GTF2I: variants seen among roughly 807,000 people sequenced by gnomAD.
GTF2I encodes general transcription factor IIi.
In GTF2I, 12 loss-of-function variants were observed where a neutral mutation model predicts 67.6. The observed-to-expected ratio is 0.18, with a 90% CI of 0.11 to 0.29. GTF2I has a LOEUF of 0.29. Among genes scored for constraint, GTF2I ranks in the 10% least tolerant of loss-of-function variants. The probability of loss-of-function intolerance (pLI) is 1.00; values close to 1 mark genes in which losing one functional copy is unlikely to be tolerated. For synonymous variants in GTF2I, 149 were observed against 197.0 expected, an observed-to-expected ratio of 0.76 and a Z score of 2.04; for missense variants, 271 against 580.1, an observed-to-expected ratio of 0.47 and a Z score of 5.47.
chr7:74,701,059 T>G (rs146191420), intron 6 of GTF2I, among the ~76,000 whole-genome samples: 1 of 152,348 alleles, frequency 6.6e-6, no homozygotes, highest in Non-Finnish European at 1.5e-5. Flanking sequence ...ATTGCATCCC[T>G]ACGGCAAGAA....
intron 1 of GTF2I, among the ~76,000 whole-genome samples, chr7:74,673,277 A>T (rs897676757): frequency 1.3e-5 from 2 of 152,210 alleles, no homozygotes; most frequent in Non-Finnish European, 2.9e-5. Flanking sequence ...GAGGTTAACT[A>T]ATCTGAAAAA....
chr7:74,674,663 C>T (rs148368788), intron 1 of GTF2I, among the ~76,000 whole-genome samples: 28 of 151,974 alleles, frequency 1.8e-4, no homozygotes, highest in African/African-American at 6.0e-4. Context: ...CTCAGCCTCC[C>T]GGGTAGCTGG....
At chr7:74,658,405 C>T (rs1175309870) in intron 1 of GTF2I, among the ~76,000 whole-genome samples, 1 of 144,616 alleles carries the variant, frequency 6.9e-6, no homozygotes, top group Non-Finnish European at 1.5e-5. Flanking sequence ...CGCCGACCGG[C>T]GTGCGGTGGG....
chr7:74,698,389 CT>C (rs67968753), intron 3 of GTF2I, among the ~76,000 whole-genome samples: 3,082 of 55,888 alleles, frequency 0.055, 271 homozygotes, highest in African/African-American at 0.19. Context: ...CGCACCTGGC[CT>C]TTTTTTTTTT....
chr7:74,714,644 G>A (rs1379879470), intron 9 of GTF2I, among the ~76,000 whole-genome samples: 1 of 151,230 alleles, frequency 6.6e-6, no homozygotes, highest in Non-Finnish European at 1.5e-5. Context: ...TCTTTTGACT[G>A]TTTACATATG....
intron 7 of GTF2I, among the ~76,000 whole-genome samples, chr7:74,705,933 G>T (rs587768204): frequency 1.3e-5 from 2 of 152,024 alleles, no homozygotes; most frequent in East Asian, 1.9e-4. Context: ...GATAGAAATT[G>T]AAGTACTAAG....
At chr7:74,690,239 A>G (rs1461065849) in intron 2 of GTF2I, among the ~76,000 whole-genome samples, 5 of 151,998 alleles carry the variant, frequency 3.3e-5, no homozygotes, top group African/African-American at 1.2e-4. Flanking sequence ...AAAGATGCCC[A>G]TAAATATTTT....
chr7:74,679,684 T>G (rs1787045134), intron 1 of GTF2I, among the ~76,000 whole-genome samples: 1 of 151,978 alleles, frequency 6.6e-6, no homozygotes, highest in African/African-American at 2.4e-5. Context: ...GCGATCCTCC[T>G]ACCTTGGCCT....
chr7:74,682,157 A>G (rs1255127293), intron 1 of GTF2I, among the ~76,000 whole-genome samples: 1 of 152,184 alleles, frequency 6.6e-6, no homozygotes, highest in Non-Finnish European at 1.5e-5. Flanking sequence ...TTTGTACTTG[A>G]TCTTGTTTGA....
intron 1 of GTF2I, among the ~76,000 whole-genome samples, chr7:74,659,167 C>G (rs1004732617): frequency 6.6e-6 from 1 of 152,026 alleles, no homozygotes; most frequent in Admixed American, 6.5e-5. Context: ...AAGCGATCCT[C>G]CCACCTTGGC....
intron 1 of GTF2I, among the ~76,000 whole-genome samples, chr7:74,659,025 G>T (rs1804221086): frequency 6.6e-6 from 1 of 152,124 alleles, no homozygotes; most frequent in African/African-American, 2.4e-5. Flanking sequence ...CAGGTGGGGT[G>T]CTGTTGGAGT....
chr7:74,662,761 A>T (rs782538980), intron 1 of GTF2I, among the ~76,000 whole-genome samples: 31 of 151,892 alleles, frequency 2.0e-4, no homozygotes, highest in Non-Finnish European at 3.8e-4. Flanking sequence ...TGACCTTGTG[A>T]TCTGCCCGCC....
At chr7:74,660,972 C>T (rs1554386306) in intron 1 of GTF2I, among the ~76,000 whole-genome samples, 48 of 152,210 alleles carry the variant, frequency 3.2e-4, no homozygotes. Flanking sequence ...CGTGCCCCCT[C>T]CATGGCTCTT....
intron 1 of GTF2I, among the ~76,000 whole-genome samples, chr7:74,675,915 C>T (rs868924348): frequency 6.6e-6 from 1 of 152,128 alleles, no homozygotes; most frequent in Non-Finnish European, 1.5e-5. Context: ...GAGGCTGAGG[C>T]AGGAGAATCG....
intron 10 of GTF2I, among the ~76,000 whole-genome samples, chr7:74,716,264 C>G (rs919170996): frequency 5.3e-5 from 8 of 152,116 alleles, no homozygotes; most frequent in African/African-American, 1.9e-4. Context: ...CACCTTGTGA[C>G]TGCCTAACTG....
At chr7:74,692,525 A>G (rs1023105213) in intron 3 of GTF2I, among the ~76,000 whole-genome samples, 6 of 152,208 alleles carry the variant, frequency 3.9e-5, no homozygotes, top group Admixed American at 3.3e-4. Context: ...TGTAATCTGC[A>G]TTTAGAGCAG....
chr7:74,682,182 A>T (rs887398592), intron 1 of GTF2I, among the ~76,000 whole-genome samples: 15 of 152,206 alleles, frequency 9.9e-5, no homozygotes, highest in African/African-American at 3.1e-4. Context: ...GGAATTGGTA[A>T]CCTCGCAATC....
At chr7:74,732,142 C>CAT (rs4028174) in intron 14 of GTF2I, among the ~76,000 whole-genome samples, 2,552 of 145,878 alleles carry the variant, frequency 0.017, 48 homozygotes, top group African/African-American at 0.048. Context: ...TACACATATA[C>CAT]ATATATATAT....
rs1176390930 is a variant in GTF2I, at chr7:74,725,410, G to T, written c.944-3376G>T. On this transcript the variant is annotated intron_variant, in intron 12 of 34. Coordinates refer to ENST00000573035, the MANE Select transcript of GTF2I (RefSeq NM_032999.4). ...TTTTATCAATAACTACATCCAGCTG[G>T]GTGCGGTGGCTCACACCTATAATCC... Among the ~76,000 whole-genome samples, 4 of 152,078 alleles carry T rather than the reference G, an allele frequency of 2.6e-5. No individual in the cohort carries two copies. In the East Asian group the frequency reaches 5.8e-4, roughly 22 times the overall value.
Sources: gnomAD v4.1 joint callset for allele counts (sites outside exome capture counted in the v4.1 genomes callset) on GRCh38, gnomAD v4.1.1 for gene constraint, MANE v1.5 for transcripts, NCBI Gene and HGNC (gene_info 2026-07-23, HGNC 2026-07-21) for gene names.